Variants in THAP4 observed in about 807,000 individuals in gnomAD.
THAP4 encodes THAP domain containing 4.
Under a neutral mutation model 48.1 loss-of-function variants are expected in THAP4, and 18 were observed. That is an observed-to-expected ratio of 0.37 (90% CI 0.26 to 0.56). THAP4 has a LOEUF of 0.56. Among genes scored for constraint, THAP4 ranks in the 20% least tolerant of loss-of-function variants. The pLI, the probability that THAP4 is intolerant of heterozygous loss-of-function variation, is 0.78. For synonymous variants in THAP4, 345 were observed against 324.9 expected (o/e 1.06, Z -0.66); for missense variants, 656 against 774.9 (o/e 0.85, Z 1.82).
rs1296914164 is a variant in THAP4, at chr2:241,633,056, C to T, written c.1101G>A (p.Glu367=). Residue 367 remains glutamate, a synonymous_variant, in exon 2 of 6, where the codon GAG becomes GAA. Transcript: ENST00000407315. The surrounding 1 kb of genome is among the most constrained non-coding windows in gnomAD (Gnocchi z 7.5). ...GGCTCTTCAGCTCGCCGTTCTTCTTCTCCACCTGCTCCCGCAGGCAGCACA... is the reference window on the plus strand; with the variant it reads ...GGCTCTTCAGCTCGCCGTTCTTCTTTTCCACCTGCTCCCGCAGGCAGCACA... ...SQVCCLREQV[E]KKNGELKSLR... 6.2e-7 allele frequency: 1 copy of T among 1,614,014 alleles called. No individual in the cohort carries two copies. Among genetic ancestry groups the T allele is most frequent in the Non-Finnish European group, 8.5e-7 (1 of 1,180,032 alleles).
At chr2:241,594,873 G>A (rs553444115) in intron 5 of THAP4, 2 of 172,236 alleles carry the variant, frequency 1.2e-5, no homozygotes, top group South Asian at 1.4e-4. Context: ...GTCCAGGGGG[G>A]TTGAGGCTGC....
chr2:241,629,750 G>C (rs2067535057), intron 2 of THAP4, among the ~76,000 whole-genome samples: 1 of 151,758 alleles, frequency 6.6e-6, no homozygotes, highest in Non-Finnish European at 1.5e-5. Context: ...GAAAACTTAT[G>C]CATCAAACAG....
chr2:241,630,299 T>C (rs1190447171), intron 2 of THAP4, among the ~76,000 whole-genome samples: 1 of 152,062 alleles, frequency 6.6e-6, no homozygotes, highest in Non-Finnish European at 1.5e-5. Flanking sequence ...ACAGCCTCCA[T>C]TGCAGGGTTA....
intron 2 of THAP4, among the ~76,000 whole-genome samples, chr2:241,609,959 C>A (rs937665865): frequency 1.3e-5 from 2 of 152,158 alleles, no homozygotes; most frequent in African/African-American, 4.8e-5. Flanking sequence ...CTGTGGGAAG[C>A]GGCACCCCGG....
intron 4 of THAP4, chr2:241,602,278 C>A (rs1575023513): frequency 2.1e-6 from 1 of 487,316 alleles, no homozygotes; most frequent in East Asian, 3.2e-5. Context: ...GCAGAACCAC[C>A]CCTAGCACAT....
At position 241,610,045 on chromosome 2, in the gene THAP4, G is replaced by A. The variant is rs562262540; in HGVS notation, c.1241-3572C>T. Among the ~76,000 whole-genome samples the A allele has an allele frequency of 5.3e-3, 813 of 152,256 alleles. 17 individuals carry two copies. Among genetic ancestry groups the A allele is most frequent in the African/African-American group, 0.019 (773 of 41,566 alleles). ...GCCGCGATCTCCACCCCTCACGCCC[G>A]AGTCCCCGGCACGGCCACCACCGGC... is the stretch of plus-strand genomic sequence containing the variant. On this transcript the variant is annotated intron_variant, in intron 2 of 5. Coordinates refer to ENST00000407315, the MANE Select transcript of THAP4 (RefSeq NM_015963.6). The surrounding 1 kb of genome is among the most constrained non-coding windows in gnomAD (Gnocchi z 4.2).
intron 5 of THAP4, among the ~76,000 whole-genome samples, chr2:241,585,808 G>A (rs1392835623): frequency 6.0e-5 from 9 of 150,790 alleles, no homozygotes; most frequent in Non-Finnish European, 1.5e-5. Flanking sequence ...AGCTACTCGG[G>A]AAGTTGAGGC....
chr2:241,628,411 G>C (rs528529688), intron 2 of THAP4, among the ~76,000 whole-genome samples: 22 of 151,750 alleles, frequency 1.4e-4, no homozygotes, highest in Non-Finnish European at 2.8e-4. Context: ...GCACCCAAGA[G>C]CATCTCAAAC....
At position 241,584,684 on chromosome 2, in the gene THAP4, C is replaced by T. The variant is rs1231556818; in HGVS notation, c.1656G>A (p.Glu552=). The T allele has an allele frequency of 6.2e-7, 1 of 1,614,230 alleles. No homozygotes were observed. Among genetic ancestry groups the T allele is most frequent in the Admixed American group, 1.7e-5 (1 of 60,030 alleles). Residue 552 remains glutamate, a synonymous_variant, in exon 6 of 6, where the codon GAG becomes GAA. Coordinates refer to ENST00000407315, the MANE Select transcript of THAP4 (RefSeq NM_015963.6). ...TCGTGGTTGCCATGGAGACCGTCTG[C>T]TCAAGTTTGCCTTCAGAATTCAGCC... ...KFRLNSEGKL[E]QTVSMATTTQ... is the part of the protein sequence containing the mutation.
chr2:241,631,090 G>A (rs2067553671), intron 2 of THAP4, among the ~76,000 whole-genome samples: 1 of 152,116 alleles, frequency 6.6e-6, no homozygotes, highest in Non-Finnish European at 1.5e-5. Context: ...GAGAAAAACA[G>A]TATACAATTT....
At chr2:241,613,363 T>A (rs1168796565) in intron 2 of THAP4, among the ~76,000 whole-genome samples, 1 of 151,320 alleles carries the variant, frequency 6.6e-6, no homozygotes, top group African/African-American at 2.4e-5. Flanking sequence ...GACACTCAAC[T>A]CATAGGACCC....
At position 241,636,941 on chromosome 2, in the gene THAP4, C is replaced by A; in HGVS notation, c.77G>T (p.Arg26Met). The change falls in exon 1 of 6, where the codon AGG becomes ATG. Residue 26 changes from arginine (R) to methionine (M), a missense_variant and splice_region_variant. Coordinates refer to ENST00000407315, the MANE Select transcript of THAP4 (RefSeq NM_015963.6). ...GCGTGGCGGCCCGGGGCCCGCGTACCTGTGGAAGGAGACGGCGCGCTTCTC... is the reference window on the plus strand; with the variant it reads ...GCGTGGCGGCCCGGGGCCCGCGTACATGTGGAAGGAGACGGCGCGCTTCTC... ...KGEKRAVSFHRFPLKDSKRLI... is the reference protein window; with the variant it reads ...KGEKRAVSFHMFPLKDSKRLI... The A allele has an allele frequency of 7.8e-7, 1 of 1,281,642 alleles. No homozygotes were observed. Among genetic ancestry groups the A allele is most frequent in the Non-Finnish European group, 1.0e-6 (1 of 990,016 alleles). The allele number at this position is 1,281,642 out of a possible 1,614,324, so 79.4% of individuals were successfully genotyped here. A position where few individuals can be genotyped will look rare whatever the true frequency, so the allele number is the denominator to read the frequency against.
intron 2 of THAP4, among the ~76,000 whole-genome samples, chr2:241,614,681 T>G (rs777711484): frequency 1.3e-5 from 2 of 151,430 alleles, no homozygotes; most frequent in African/African-American, 2.4e-5. Context: ...AGGTCAGGAG[T>G]TCGAGACCAG....
chr2:241,604,839 C>T (rs764995323), intron 3 of THAP4, among the ~76,000 whole-genome samples: 5 of 152,012 alleles, frequency 3.3e-5, no homozygotes, highest in South Asian at 2.1e-4. Context: ...ATTACAGGCA[C>T]GAGCCACCGC....
intron 5 of THAP4, among the ~76,000 whole-genome samples, chr2:241,590,845 GATA>G (rs2066964865): frequency 6.8e-6 from 1 of 147,138 alleles, no homozygotes. Flanking sequence ...CCCGGCTGAC[GATA>G]ATGGGCACTA....
chr2:241,592,300 C>A (rs1045008061), intron 5 of THAP4: 8 of 152,420 alleles, frequency 5.2e-5, no homozygotes, highest in Admixed American at 1.3e-4. Context: ...CCTGAAGTTA[C>A]AAAGCACAGA....
At chr2:241,620,498 G>A (rs2067415805) in intron 2 of THAP4, among the ~76,000 whole-genome samples, 1 of 143,848 alleles carries the variant, frequency 7.0e-6, no homozygotes, top group Non-Finnish European at 1.5e-5. Flanking sequence ...GAGTGAGTGA[G>A]GGGTGAGTGA....
chr2:241,606,370 G>C lies in THAP4; in HGVS notation c.1344C>G (p.Phe448Leu). The change falls in exon 3 of 6, where the codon TTC becomes TTG. Residue 448 changes from phenylalanine to leucine, a missense_variant. By Grantham distance (22) the Phe-to-Leu change is conservative. Transcript: ENST00000407315. ...AGATGTGAACCTCCTCCAGGTACTG[G>C]AAGGGCTGCAGTGTGGGGTAGGTCC... Reference protein sequence around the residue: ...GAGTYPTLQPFQYLEEVHISH... With the variant: ...GAGTYPTLQPLQYLEEVHISH... 1 of 1,586,356 alleles carries C rather than the reference G, an allele frequency of 6.3e-7. No individual in the cohort carries two copies. Among genetic ancestry groups the C allele is most frequent in the South Asian group, 1.1e-5 (1 of 87,182 alleles).
At chr2:241,617,825 C>A (rs1386806210) in intron 2 of THAP4, among the ~76,000 whole-genome samples, 1 of 152,126 alleles carries the variant, frequency 6.6e-6, no homozygotes, top group African/African-American at 2.4e-5. Flanking sequence ...CCTGGCATGT[C>A]CTTTTCTGTC....
Sources: gnomAD v4.1 joint callset for allele counts (sites outside exome capture counted in the v4.1 genomes callset) on GRCh38, gnomAD v4.1.1 for gene constraint, Gnocchi (gnomAD v3.1) non-coding constraint, MANE v1.5 for transcripts, NCBI Gene and HGNC (gene_info 2026-07-23, HGNC 2026-07-21) for gene names.